MAP3K5: variants seen among roughly 807,000 people sequenced by gnomAD.
The protein encoded by MAP3K5 is mitogen-activated protein kinase kinase kinase 5.
MAP3K5 carries 56 observed loss-of-function variants against 158.7 expected under a neutral mutation model. The ratio of observed to expected loss-of-function variants is 0.35; its 90% CI spans 0.28 to 0.44. MAP3K5 has a LOEUF of 0.44. Among genes scored for constraint, MAP3K5 ranks in the 20% least tolerant of loss-of-function variants. MAP3K5 has a pLI of 1.00. For synonymous variants in MAP3K5, 579 were observed against 601.7 expected (o/e 0.96, Z 0.55); for missense variants, 1,294 against 1,674.8 (o/e 0.77, Z 3.97).
At position 136,642,506 on chromosome 6, in the gene MAP3K5, C is replaced by A; in HGVS notation, c.1838+14G>T. On this transcript the variant is annotated intron_variant, in intron 12 of 29. Transcript: ENST00000359015. Reference sequence around the variant, plus strand: ...ATGTCTTATAAGTTAACAAAATGTACCAAGGAAACTTACCTCACTCCCCTG... The same window carrying A: ...ATGTCTTATAAGTTAACAAAATGTAACAAGGAAACTTACCTCACTCCCCTG... 2 of 1,591,650 alleles carry A rather than the reference C, an allele frequency of 1.3e-6. No homozygotes were observed. The highest frequency in any genetic ancestry group is 1.7e-6 in the Non-Finnish European group (2 of 1,160,292).
intron 8 of MAP3K5, among the ~76,000 whole-genome samples, chr6:136,662,235 G>T (rs1034856296): frequency 4.6e-5 from 7 of 152,290 alleles, no homozygotes; most frequent in East Asian, 1.9e-4. Context: ...TTCACTGGAG[G>T]CATCTGACAA....
At chr6:136,567,412 G>T (rs1460926067) in intron 26 of MAP3K5, among the ~76,000 whole-genome samples, 2 of 152,210 alleles carry the variant, frequency 1.3e-5, no homozygotes, top group African/African-American at 4.8e-5. Flanking sequence ...TGGAGATGAA[G>T]AAGTAATCAA....
intron 17 of MAP3K5, among the ~76,000 whole-genome samples, chr6:136,612,189 A>G (rs1015593800): frequency 2.6e-5 from 4 of 152,202 alleles, no homozygotes; most frequent in African/African-American, 9.6e-5. Flanking sequence ...TTGAATAATT[A>G]TAAGATCCAA....
chr6:136,651,133 G>A, intron 10 of MAP3K5, 42 bp from the exon 11 acceptor site: 1 of 1,052,074 alleles, frequency 9.5e-7, no homozygotes. Flanking sequence ...AGTGACTTAA[G>A]ACTGAAACCA....
chr6:136,771,506 C>T (rs1255031230), intron 1 of MAP3K5, among the ~76,000 whole-genome samples: 4 of 152,146 alleles, frequency 2.6e-5, no homozygotes, highest in Non-Finnish European at 5.9e-5. Flanking sequence ...ATGGCAATGA[C>T]CTAGTGACCC....
chr6:136,689,530 A>G (rs1433748171), intron 7 of MAP3K5, among the ~76,000 whole-genome samples: 2 of 152,162 alleles, frequency 1.3e-5, no homozygotes, highest in East Asian at 1.9e-4. Context: ...TTAATCCCCA[A>G]TGCAATAGTG....
chr6:136,692,938 G>A (rs1000532319), intron 7 of MAP3K5, among the ~76,000 whole-genome samples: 5 of 151,890 alleles, frequency 3.3e-5, no homozygotes, highest in Non-Finnish European at 5.9e-5. Context: ...CCTGAGTGAC[G>A]GAGCAAGACC....
At chr6:136,625,645 T>C (rs1314755974) in intron 14 of MAP3K5, among the ~76,000 whole-genome samples, 2 of 152,206 alleles carry the variant, frequency 1.3e-5, no homozygotes, top group Non-Finnish European at 2.9e-5. Context: ...GCCTGGGATA[T>C]CCCTGGAGTG....
At chr6:136,785,768 T>C (rs1271173699) in intron 1 of MAP3K5, among the ~76,000 whole-genome samples, 1 of 152,166 alleles carries the variant, frequency 6.6e-6, no homozygotes, top group Non-Finnish European at 1.5e-5. Context: ...CTCCTACATC[T>C]GGCCAAGATG....
intron 7 of MAP3K5, 30 bp from the exon 8 acceptor site, chr6:136,669,425 C>T: frequency 4.6e-6 from 6 of 1,292,830 alleles, no homozygotes; most frequent in Non-Finnish European, 6.7e-6. Context: ...TACAAGTTAA[C>T]TTTCTCAATC....
intron 14 of MAP3K5, among the ~76,000 whole-genome samples, chr6:136,623,922 G>A (rs1160365775): frequency 6.6e-6 from 1 of 152,206 alleles, no homozygotes. Flanking sequence ...GCCAGGTGTG[G>A]TGGCTCATGC....
At chr6:136,675,912 A>G (rs1779683901) in intron 7 of MAP3K5, among the ~76,000 whole-genome samples, 1 of 152,184 alleles carries the variant, frequency 6.6e-6, no homozygotes, top group Non-Finnish European at 1.5e-5. Flanking sequence ...GCCCTCATAA[A>G]CAAAAAGACG....
intron 11 of MAP3K5, among the ~76,000 whole-genome samples, chr6:136,646,280 C>T (rs1778252129): frequency 6.6e-6 from 1 of 152,092 alleles, no homozygotes; most frequent in African/African-American, 2.4e-5. Flanking sequence ...GGAAAATGGA[C>T]AGTACATAAC....
At chr6:136,634,351 T>C (rs2129103466) in intron 14 of MAP3K5, among the ~76,000 whole-genome samples, 1 of 152,238 alleles carries the variant, frequency 6.6e-6, no homozygotes, top group East Asian at 1.9e-4. Context: ...CCTGTAAACA[T>C]GCATTCATTC....
chr6:136,672,338 C>A (rs1779517737), intron 7 of MAP3K5, among the ~76,000 whole-genome samples: 1 of 152,180 alleles, frequency 6.6e-6, no homozygotes, highest in African/African-American at 2.4e-5. Flanking sequence ...AGGGAAGTGG[C>A]CTTCCAAGAT....
chr6:136,735,518 T>A (rs1254395353), intron 1 of MAP3K5, among the ~76,000 whole-genome samples: 1 of 152,204 alleles, frequency 6.6e-6, no homozygotes, highest in Non-Finnish European at 1.5e-5. Flanking sequence ...GGAGTCCTTA[T>A]CTTTCAGAGA....
intron 25 of MAP3K5, 45 bp from the exon 26 acceptor site, chr6:136,567,919 A>C (rs749067957): frequency 4.4e-6 from 7 of 1,583,058 alleles, no homozygotes; most frequent in Non-Finnish European, 6.0e-6. Context: ...AATATGACTC[A>C]TTGCCTTAAT....
chr6:136,765,635 C>T (rs1480099720), intron 1 of MAP3K5, among the ~76,000 whole-genome samples: 2 of 151,774 alleles, frequency 1.3e-5, no homozygotes. Flanking sequence ...GCCTCAGCCT[C>T]CCAAGTAGCT....
intron 1 of MAP3K5, among the ~76,000 whole-genome samples, chr6:136,730,016 A>C (rs1782141289): frequency 6.6e-6 from 1 of 152,234 alleles, no homozygotes; most frequent in African/African-American, 2.4e-5. Flanking sequence ...TCTGTCTTCC[A>C]GGCTGGAGTG....
Sources: gnomAD v4.1 joint callset for allele counts (sites outside exome capture counted in the v4.1 genomes callset) on GRCh38, gnomAD v4.1.1 for gene constraint, MANE v1.5 for transcripts, NCBI Gene and HGNC (gene_info 2026-07-23, HGNC 2026-07-21) for gene names.